The following PCDH11X variants were observed in gnomAD, a reference collection of about 807,000 sequenced individuals.
PCDH11X encodes protocadherin-11 X-linked.
In PCDH11X, 18 loss-of-function variants were observed where a neutral mutation model predicts 53.3. The observed-to-expected ratio is 0.34, with a 90% CI of 0.23 to 0.50. The LOEUF is 0.50. Among genes scored for constraint, PCDH11X ranks in the 20% least tolerant of loss-of-function variants. The probability of loss-of-function intolerance (pLI) is 0.98; values close to 1 mark genes in which losing one functional copy is unlikely to be tolerated. For missense variants in PCDH11X, 570 were observed against 1,032.4 expected (o/e 0.55, Z 6.14); for synonymous variants, 279 against 393.3 (o/e 0.71, Z 3.44).
intron 6 of PCDH11X, among the ~76,000 whole-genome samples, chrX:92,050,373 A>G (rs1433248204): frequency 9.4e-6 from 1 of 106,228 alleles, no homozygotes; most frequent in East Asian, 3.0e-4. Context: ...AGGATAGTAG[A>G]ATGATTTTCC....
intron 5 of PCDH11X, among the ~76,000 whole-genome samples, chrX:91,862,251 T>A (rs1228861537): frequency 9.1e-6 from 1 of 109,902 alleles, no homozygotes; most frequent in East Asian, 2.9e-4. Context: ...ACTGAGAGGC[T>A]TTTTTATTAC....
At chrX:92,257,736 CG>C (rs987768879) in intron 7 of PCDH11X, among the ~76,000 whole-genome samples, 2 of 112,690 alleles carry the variant, frequency 1.8e-5, no homozygotes, top group Non-Finnish European at 3.7e-5. Context: ...CTGGTGCAAA[CG>C]GTGGGCTCCC....
chrX:92,603,034 C>A (rs752524728), intron 10 of PCDH11X, among the ~76,000 whole-genome samples: 1 of 104,088 alleles, frequency 9.6e-6, no homozygotes, highest in Non-Finnish European at 1.9e-5. Flanking sequence ...AGGTAAAATG[C>A]CAATATTTTA....
At chrX:92,499,625 C>A (rs1157996887) in intron 10 of PCDH11X, among the ~76,000 whole-genome samples, 1 of 29,201 alleles carries the variant, frequency 3.4e-5, no homozygotes, top group Non-Finnish European at 5.5e-5. Flanking sequence ...CATAGTAAAA[C>A]CCTGTCTCTA....
rs948759355 is a variant in PCDH11X at position 92,485,136 on chromosome X, A to T, written c.3367+16814A>T. Among the ~76,000 whole-genome samples the T allele has an allele frequency of 2.7e-5, 3 of 110,954 alleles. No individual in the cohort carries two copies. In the Admixed American group the frequency reaches 2.9e-4, roughly 11 times the overall value. On this transcript the variant is annotated intron_variant, in intron 10 of 10. Transcript: ENST00000682573. ...AATAATTACTATTGTAGCAAAAATT[A>T]TAAATATAGGCAATCATATTTGGAG...
intron 6 of PCDH11X, among the ~76,000 whole-genome samples, chrX:92,029,548 T>G: frequency 9.0e-6 from 1 of 111,500 alleles, no homozygotes; most frequent in Non-Finnish European, 1.9e-5. Flanking sequence ...TTGTCAAAAT[T>G]TATCTAAATT....
chrX:92,309,090 C>G (rs2068890874), intron 8 of PCDH11X, among the ~76,000 whole-genome samples: 1 of 111,779 alleles, frequency 8.9e-6, no homozygotes, highest in Non-Finnish European at 1.9e-5. Flanking sequence ...AATGGTTCTT[C>G]AAGTAATTAA....
chrX:91,988,747 G>A (rs1049155547), intron 6 of PCDH11X, among the ~76,000 whole-genome samples: 1 of 111,892 alleles, frequency 8.9e-6, no homozygotes, highest in African/African-American at 3.2e-5. Context: ...TGCAGTTGTC[G>A]AACACTAGTC....
chrX:92,022,678 A>G (rs1193740069), intron 6 of PCDH11X, among the ~76,000 whole-genome samples: 1 of 110,169 alleles, frequency 9.1e-6, no homozygotes, highest in Non-Finnish European at 1.9e-5. Flanking sequence ...GATTGAGTGG[A>G]CATCTACAGA....
At chrX:92,199,667 G>A (rs1206373838) in intron 6 of PCDH11X, among the ~76,000 whole-genome samples, 1 of 110,307 alleles carries the variant, frequency 9.1e-6, no homozygotes, top group Non-Finnish European at 1.9e-5. Flanking sequence ...TTATAACTAT[G>A]TAATTTTGGA....
intron 10 of PCDH11X, among the ~76,000 whole-genome samples, chrX:92,521,414 C>A (rs2074368120): frequency 9.0e-6 from 1 of 110,975 alleles, no homozygotes; most frequent in Admixed American, 9.6e-5. Context: ...TTTTTCTCAG[C>A]CGCAGATCTA....
chrX:91,946,419 C>T (rs1208396945), intron 6 of PCDH11X, among the ~76,000 whole-genome samples: 1 of 103,818 alleles, frequency 9.6e-6, no homozygotes. Flanking sequence ...ATGTTGGAAT[C>T]CCATGCAAAG....
chrX:92,095,701 A>G (rs2064123419), intron 6 of PCDH11X, among the ~76,000 whole-genome samples: 1 of 112,261 alleles, frequency 8.9e-6, no homozygotes, highest in South Asian at 3.6e-4. Context: ...ATAAAAATAT[A>G]CGCCATTTAA....
At chrX:92,126,454 T>C (rs942153308) in intron 6 of PCDH11X, among the ~76,000 whole-genome samples, 1 of 109,322 alleles carries the variant, frequency 9.1e-6, no homozygotes, top group African/African-American at 3.3e-5. Flanking sequence ...CTACTAAAAA[T>C]ACAAAATTAG....
intron 1 of PCDH11X, among the ~76,000 whole-genome samples, chrX:91,807,176 C>CA (rs1218341876): frequency 0.051 from 1,630 of 32,131 alleles, 72 homozygotes; most frequent in African/African-American, 0.12. Context: ...CTCATCTCTA[C>CA]AAAAAAAAAA....
chrX:92,199,178 A>G (rs760698140), intron 6 of PCDH11X, among the ~76,000 whole-genome samples: 1 of 111,921 alleles, frequency 8.9e-6, no homozygotes, highest in Non-Finnish European at 1.9e-5. Context: ...CAGGAATAAT[A>G]ATAAGATCCA....
chrX:92,346,214 G>A (rs1343953732), intron 8 of PCDH11X, among the ~76,000 whole-genome samples: 2 of 110,447 alleles, frequency 1.8e-5, no homozygotes, highest in Non-Finnish European at 3.8e-5. Context: ...TTTTTGTTGT[G>A]GAAGAAAGAG....
intron 6 of PCDH11X, among the ~76,000 whole-genome samples, chrX:92,021,145 A>G (rs943986470): frequency 9.0e-6 from 1 of 111,107 alleles, no homozygotes; most frequent in Non-Finnish European, 1.9e-5. Flanking sequence ...AATGATCCCA[A>G]CGCCTTTCCA....
chrX:92,583,405 A>T (rs1276828795), intron 10 of PCDH11X, among the ~76,000 whole-genome samples: 1 of 76,364 alleles, frequency 1.3e-5, no homozygotes, highest in Non-Finnish European at 2.5e-5. Flanking sequence ...CTGGCCTTGG[A>T]CTGTGGACTT....
Sources: gnomAD v4.1 joint callset for allele counts (sites outside exome capture counted in the v4.1 genomes callset) on GRCh38, gnomAD v4.1.1 for gene constraint, MANE v1.5 for transcripts, NCBI Gene and HGNC (gene_info 2026-07-23, HGNC 2026-07-21) for gene names.